Variants in ZAN observed in about 807,000 individuals in gnomAD.
ZAN encodes zonadhesin (gene/pseudogene).
A neutral mutation model predicts 286.2 loss-of-function variants in ZAN; 260 were observed. That is an observed-to-expected ratio of 0.91 (90% CI 0.82 to 1.01). ZAN has a LOEUF of 1.01. Among genes scored for constraint, ZAN ranks in the 50% least tolerant of loss-of-function variants. ZAN has a pLI of 0.00. For synonymous variants in ZAN, 1,368 were observed against 1,417.5 expected, an observed-to-expected ratio of 0.97 and a Z score of 0.79; for missense variants, 3,410 against 3,639.2, an observed-to-expected ratio of 0.94 and a Z score of 1.62.
At chr7:100,779,203 C>CA (rs1273010296) in intron 34 of ZAN, among the ~76,000 whole-genome samples, 4,141 of 106,052 alleles carry the variant, frequency 0.039, 77 homozygotes, top group Middle Eastern at 0.071. Flanking sequence ...ACTCTGTCTC[C>CA]AAAAAAAAAA....
At chr7:100,775,276 C>A (rs571726398) in intron 31 of ZAN, 52 bp from the exon 32 acceptor site, 25 of 1,588,954 alleles carry the variant, frequency 1.6e-5, no homozygotes, top group African/African-American at 1.3e-4. Flanking sequence ...TCCCAGGGAC[C>A]CTGTACCTGC....
intron 29 of ZAN, among the ~76,000 whole-genome samples, chr7:100,772,267 A>C (rs1357605273): frequency 6.6e-6 from 1 of 151,256 alleles, no homozygotes; most frequent in Non-Finnish European, 1.5e-5. Context: ...CCCCGTCTCT[A>C]TTAAAAATAC....
intron 45 of ZAN, among the ~76,000 whole-genome samples, chr7:100,796,677 A>G (rs1016505014): frequency 1.3e-5 from 2 of 152,054 alleles, no homozygotes; most frequent in African/African-American, 2.4e-5. Context: ...TGGCCTCCCA[A>G]AGTGCTGGGA....
chr7:100,765,301 A>G (rs1315334641), intron 22 of ZAN, 51 bp from the exon 23 acceptor site: 1 of 1,592,684 alleles, frequency 6.3e-7, no homozygotes, highest in Non-Finnish European at 8.6e-7. Context: ...TTTCCCACCC[A>G]GCCCCGTGGC....
At chr7:100,776,077 G>A (rs2116173021) in intron 33 of ZAN, among the ~76,000 whole-genome samples, 1 of 152,218 alleles carries the variant, frequency 6.6e-6, no homozygotes, top group East Asian at 1.9e-4. Flanking sequence ...ACTCTGGGAG[G>A]CCGAGGCAGG....
chr7:100,767,254 C>A lies in ZAN; in HGVS notation c.4857C>A (p.Val1619=). 6.2e-7 allele frequency: 1 copy of A among 1,607,018 alleles called. No homozygotes were observed. The highest frequency in any genetic ancestry group is 1.1e-5 in the South Asian group (1 of 90,946). The part of the protein sequence containing the change: ...LSISLLRGCK[V]MLNGHRVALP... ...TCTCACTGCTCAGAGGCTGTAAGGT[C>A]ATGGTGGGTGTCTTCCTCCTGCCTC... The change falls in exon 25 of 48, where the codon GTC becomes GTA. Residue 1619 remains valine (V), a synonymous_variant. Coordinates refer to ENST00000613979, the MANE Select transcript of ZAN (RefSeq NM_003386.3).
In ZAN at chr7:100,749,639, CAAA is replaced by C. The variant is rs762868522; in HGVS notation, c.1250-975_1250-973del. Among the ~76,000 whole-genome samples the C allele has an allele frequency of 1.0e-3, 67 of 66,882 alleles. No homozygotes were observed. The South Asian group carries it at 0.014, about 14-fold the overall frequency. The allele number at this position is 66,882 out of a possible 152,430, so 43.9% of individuals were successfully genotyped here. ...TGGGTGACAGAGTGAGACTCCGTCT[CAAA>C]AAAAAAAAAATATATATATATATAT... On this transcript the variant is annotated intron_variant, in intron 11 of 47. Coordinates refer to ENST00000613979, the MANE Select transcript of ZAN (RefSeq NM_003386.3).
At position 100,750,787 on chromosome 7, in the gene ZAN, G is replaced by T; in HGVS notation, c.1412G>T (p.Ser471Ile). The T allele has an allele frequency of 1.2e-6, 2 of 1,611,438 alleles. No individual in the cohort carries two copies. The highest frequency in any genetic ancestry group is 1.7e-6 in the Non-Finnish European group (2 of 1,178,234). ...EGTMLELLLGSPAGSPPIPLW... is the reference protein window; with the variant it reads ...EGTMLELLLGIPAGSPPIPLW... Reference sequence around the variant, plus strand: ...ACTATGCTCGAACTCCTCCTGGGAAGTCCTGCGGGGAGTCCCCCGATTCCT... The same window carrying T: ...ACTATGCTCGAACTCCTCCTGGGAATTCCTGCGGGGAGTCCCCCGATTCCT... Residue 471 changes from serine (S) to isoleucine (I), a missense_variant, in exon 12 of 48, where the codon AGT (serine) becomes ATT (isoleucine). Coordinates refer to ENST00000613979, the MANE Select transcript of ZAN (RefSeq NM_003386.3).
At chr7:100,742,859 G>A (rs1399483296) in intron 7 of ZAN, among the ~76,000 whole-genome samples, 2 of 46,078 alleles carry the variant, frequency 4.3e-5, no homozygotes, top group Non-Finnish European at 1.0e-4. Flanking sequence ...AGAGGGAGAC[G>A]GAGACGGAGA....
intron 45 of ZAN, among the ~76,000 whole-genome samples, chr7:100,796,342 G>A (rs565144007): frequency 6.6e-6 from 1 of 151,714 alleles, no homozygotes; most frequent in East Asian, 1.9e-4. Flanking sequence ...TGAAGACGGG[G>A]TAACTTGTGT....
At chr7:100,790,419 A>G (rs314335) in intron 39 of ZAN, among the ~76,000 whole-genome samples, 76,463 of 151,288 alleles carry the variant, frequency 0.51, 19,943 homozygotes, top group Middle Eastern at 0.7. Context: ...AAAATTAGCC[A>G]GGTGTGTTGG....
intron 13 of ZAN, among the ~76,000 whole-genome samples, 183 bp downstream of exon 13, chr7:100,751,449 G>A (rs1808658203): frequency 1.3e-5 from 2 of 152,218 alleles, no homozygotes; most frequent in South Asian, 4.1e-4. Context: ...CTGGGTGAAT[G>A]TGGCTTCGAT....
chr7:100,737,347 G>T lies in ZAN; in HGVS notation c.611G>T (p.Arg204Leu), dbSNP rs367593224. The change falls in exon 6 of 48, where the codon CGC becomes CTC. Residue 204 changes from arginine to leucine, a missense_variant and splice_region_variant. By Grantham distance (102) the Arg-to-Leu change is moderately radical. Coordinates refer to ENST00000613979, the MANE Select transcript of ZAN (RefSeq NM_003386.3). ...ALSIRRGSCN[R>L]VCMMQTCSFD... Reference sequence around the variant, plus strand: ...TCTATCCGCCGGGGCTCCTGTAATCGCGGTGAGTCCCTGTCCCTCCTCCCG... The same window carrying T: ...TCTATCCGCCGGGGCTCCTGTAATCTCGGTGAGTCCCTGTCCCTCCTCCCG... 1.4e-6 allele frequency: 2 copies of T among 1,459,578 alleles called. No homozygotes were observed. Among genetic ancestry groups the T allele is most frequent in the Admixed American group, 4.1e-5 (2 of 48,758 alleles). 90.4% of individuals were successfully genotyped at this position (1,459,578 alleles called of 1,614,324 possible).
chr7:100,783,773 T>TACAC lies in ZAN; in HGVS notation c.6623-849_6623-848insCACA, dbSNP rs1407768418. Among the ~76,000 whole-genome samples, 5 of 21,496 alleles carry TACAC rather than the reference T, an allele frequency of 2.3e-4. 2 individuals carry two copies. The East Asian group carries it at 0.013, about 55-fold the overall frequency. The allele number at this position is 21,496 out of a possible 152,430, so 14.1% of individuals were successfully genotyped here. A position where few individuals can be genotyped will look rare whatever the true frequency, so the allele number is the denominator to read the frequency against. ...AAAAAAAAAAAAAAAAATATATATA[T>TACAC]ATATATATATACACATATATATATA... On this transcript the variant is annotated intron_variant, in intron 35 of 47. Transcript: ENST00000613979.
rs375614439 is a variant in ZAN, at chr7:100,736,554, G to A, written c.178G>A (p.Asp60Asn). ...TGACTGGTCCCAAGTGTCCGCAGACGATGAAGACTGGGTTCGAGCCAGTGG... is the reference window on the plus strand; with the variant it reads ...TGACTGGTCCCAAGTGTCCGCAGACAATGAAGACTGGGTTCGAGCCAGTGG... ...LCDWSQVSADDEDWVRASGPS... is the reference protein window; with the variant it reads ...LCDWSQVSADNEDWVRASGPS... Residue 60 changes from aspartate to asparagine, a missense_variant, in exon 4 of 48, where the codon GAT (aspartate) becomes AAT (asparagine). Coordinates refer to ENST00000613979, the MANE Select transcript of ZAN (RefSeq NM_003386.3). 1.4e-5 allele frequency: 22 copies of A among 1,523,618 alleles called. 6 individuals carry two copies. Among genetic ancestry groups the A allele is most frequent in the East Asian group, 4.6e-5 (2 of 43,896 alleles). 94.4% of individuals were successfully genotyped at this position (1,523,618 alleles called of 1,614,324 possible).
intron 11 of ZAN, among the ~76,000 whole-genome samples, chr7:100,749,535 G>A (rs190794119): frequency 0.021 from 3,163 of 151,360 alleles, 133 homozygotes; most frequent in South Asian, 0.14. Flanking sequence ...AGCTACTCGG[G>A]AGGCTGAGGC....
In ZAN at chr7:100,752,199, C is replaced by G. The variant is rs757770775; in HGVS notation, c.2094C>G (p.Ile698Met). ...GCATCCCCACGGAAAAACCCACCAT[C>G]TCCATGGAAGAGACTATCATCTCCA... ...KPSIPTEKPTISMEETIISTE... is the reference protein window; with the variant it reads ...KPSIPTEKPTMSMEETIISTE... The change falls in exon 14 of 48, where the codon ATC becomes ATG. Residue 698 changes from isoleucine to methionine, a missense_variant. Transcript: ENST00000613979. The G allele has an allele frequency of 6.2e-7, 1 of 1,611,516 alleles. No homozygotes were observed. Among genetic ancestry groups the G allele is most frequent in the African/African-American group, 1.3e-5 (1 of 74,176 alleles).
intron 28 of ZAN, among the ~76,000 whole-genome samples, chr7:100,770,893 T>TC (rs1192460453): frequency 2.6e-5 from 4 of 151,982 alleles, no homozygotes; most frequent in African/African-American, 9.7e-5. Context: ...AACCTCTGCC[T>TC]CCCAGGCGCA....
At chr7:100,776,693 T>C in intron 34 of ZAN, 129 bp downstream of exon 34, 1 of 565,266 alleles carries the variant, frequency 1.8e-6, no homozygotes. Context: ...TTTCTCTCTT[T>C]CTCTTTCTTT....
Sources: allele counts gnomAD v4.1 joint callset (sites outside exome capture counted in the v4.1 genomes callset), GRCh38; gene constraint gnomAD v4.1.1; transcripts MANE v1.5; gene names NCBI Gene and HGNC (gene_info 2026-07-23, HGNC 2026-07-21).